GRM7: variants seen among roughly 807,000 people sequenced by gnomAD.
The protein encoded by GRM7 is glutamate metabotropic receptor 7.
In GRM7, 35 loss-of-function variants were observed where a neutral mutation model predicts 84.5. That is an observed-to-expected ratio of 0.41 (90% CI 0.32 to 0.55). The LOEUF is 0.55. Among genes scored for constraint, GRM7 ranks in the 20% least tolerant of loss-of-function variants. The pLI, the probability that GRM7 is intolerant of heterozygous loss-of-function variation, is 0.19. For synonymous variants in GRM7, 487 were observed against 455.1 expected, an observed-to-expected ratio of 1.07 and a Z score of -0.89; for missense variants, 1,003 against 1,194.6, an observed-to-expected ratio of 0.84 and a Z score of 2.36.
intron 2 of GRM7, among the ~76,000 whole-genome samples, chr3:7,169,434 C>CTCACATAATTTTATGAGTCTCA (rs1694911794): frequency 3.3e-5 from 5 of 152,090 alleles, no homozygotes; most frequent in Admixed American, 3.3e-4. Flanking sequence ...TTCAGAGGTG[C>CTCACATAATTTTATGAGTCTCA]CATCATGGGA....
chr3:7,194,147 A>G (rs752981451), intron 2 of GRM7, among the ~76,000 whole-genome samples: 1 of 152,076 alleles, frequency 6.6e-6, no homozygotes, highest in Non-Finnish European at 1.5e-5. Context: ...TCTGATGTAA[A>G]TCACCTTTCC....
chr3:7,676,162 C>G (rs1170036135), intron 8 of GRM7, among the ~76,000 whole-genome samples: 1 of 152,102 alleles, frequency 6.6e-6, no homozygotes, highest in Non-Finnish European at 1.5e-5. Context: ...AAATAATAAC[C>G]ATGGGACTAA....
chr3:7,303,726 T>A (rs985372967), intron 3 of GRM7, among the ~76,000 whole-genome samples: 1 of 152,128 alleles, frequency 6.6e-6, no homozygotes, highest in African/African-American at 2.4e-5. Context: ...TATGTTCATA[T>A]ATAAGATTAT....
chr3:7,483,395 C>G (rs986225682), intron 7 of GRM7, among the ~76,000 whole-genome samples: 9 of 152,050 alleles, frequency 5.9e-5, no homozygotes, highest in African/African-American at 2.2e-4. Context: ...GATCTGGGGA[C>G]AGAATGAACT....
Position 6,986,295 on chromosome 3 carries a change from G to A in GRM7, c.519+124388G>A, listed in dbSNP as rs74285817. ...AGACATGTTTACCACCTTTATTATG[G>A]TGATGGTATAACAGGTACATGCATA... On this transcript the variant is annotated intron_variant, in intron 1 of 9. Coordinates refer to ENST00000357716, the MANE Select transcript of GRM7 (RefSeq NM_000844.4). Among the ~76,000 whole-genome samples the A allele has an allele frequency of 2.4e-3, 368 of 152,250 alleles. 4 individuals carry two copies. The South Asian group carries it at 0.035, about 14-fold the overall frequency.
chr3:7,217,835 A>ATG (rs996172500), intron 2 of GRM7, among the ~76,000 whole-genome samples: 1 of 146,944 alleles, frequency 6.8e-6, no homozygotes, highest in Non-Finnish European at 1.5e-5. Flanking sequence ...ATGTGTGTAT[A>ATG]TGTGTGTGTA....
At chr3:7,668,343 C>T (rs1430846984) in intron 8 of GRM7, among the ~76,000 whole-genome samples, 1 of 152,186 alleles carries the variant, frequency 6.6e-6, no homozygotes, top group Admixed American at 6.5e-5. Context: ...TTTAACATCA[C>T]CAATTAAGTC....
chr3:6,957,551 G>T (rs547422566), intron 1 of GRM7, among the ~76,000 whole-genome samples: 6 of 152,210 alleles, frequency 3.9e-5, no homozygotes, highest in Non-Finnish European at 8.8e-5. Context: ...CCTTCGTGTA[G>T]GTTTGTTTTA....
At chr3:7,634,854 T>C (rs1698017258) in intron 8 of GRM7, among the ~76,000 whole-genome samples, 1 of 151,904 alleles carries the variant, frequency 6.6e-6, no homozygotes, top group South Asian at 2.1e-4. Context: ...AAGGCTATGG[T>C]ACTTTGGCCA....
chr3:7,272,389 G>C (rs1575107472), intron 2 of GRM7, among the ~76,000 whole-genome samples: 1 of 152,144 alleles, frequency 6.6e-6, no homozygotes, highest in East Asian at 1.9e-4. Flanking sequence ...TATGTGTCAT[G>C]AGTTAATATA....
In GRM7 at chr3:7,298,715, C is replaced by T. The variant is rs751255884; in HGVS notation, c.768C>T (p.Ile256=). ...TCTGCATTGCCCAGTCCGTGAGAAT[C>T]CCCCAGGAACGCAAAGACAGGACCA... is the stretch of plus-strand genomic sequence containing the variant. ...GGLCIAQSVR[I]PQERKDRTID... is the part of the protein sequence containing the mutation. The change falls in exon 3 of 10, where the codon ATC becomes ATT. Residue 256 remains isoleucine, a synonymous_variant. Transcript: ENST00000357716. The T allele has an allele frequency of 2.0e-5, 32 of 1,612,862 alleles. No individual in the cohort carries two copies. Among genetic ancestry groups the T allele is most frequent in the Non-Finnish European group, 2.6e-5 (31 of 1,179,076 alleles).
At chr3:7,722,290 C>T (rs1360787196) in intron 9 of GRM7, among the ~76,000 whole-genome samples, 3 of 152,084 alleles carry the variant, frequency 2.0e-5, no homozygotes, top group Non-Finnish European at 4.4e-5. Context: ...TGTTCTAGTT[C>T]GTTAAATACA....
chr3:7,404,085 C>A (rs778429912), intron 4 of GRM7, among the ~76,000 whole-genome samples: 2 of 152,194 alleles, frequency 1.3e-5, no homozygotes, highest in African/African-American at 2.4e-5. Context: ...TCCAAGCAAA[C>A]GTAATTTAAA....
intron 7 of GRM7, among the ~76,000 whole-genome samples, chr3:7,501,513 A>T (rs1318523774): frequency 6.6e-6 from 1 of 152,208 alleles, no homozygotes; most frequent in Non-Finnish European, 1.5e-5. Context: ...CACTAGTTTT[A>T]TCAGCTTATA....
rs554000617 is a variant in GRM7, at chr3:6,972,135, T to C, written c.519+110228T>C. Reference sequence around the variant, plus strand: ...AAATATGTAAAAAGGGGATTTGTAGTGTCAGCACAAATTTCTGAGAGATAT... The same window carrying C: ...AAATATGTAAAAAGGGGATTTGTAGCGTCAGCACAAATTTCTGAGAGATAT... On this transcript the variant is annotated intron_variant, in intron 1 of 9. Coordinates refer to ENST00000357716, the MANE Select transcript of GRM7 (RefSeq NM_000844.4). 2.0e-3 allele frequency among the ~76,000 whole-genome samples: 309 copies of C among 152,284 alleles called. 2 individuals carry two copies. Among genetic ancestry groups the C allele is most frequent in the Non-Finnish European group, 2.8e-3 (193 of 68,012 alleles).
intron 4 of GRM7, among the ~76,000 whole-genome samples, chr3:7,401,174 G>A (rs1191873691): frequency 6.6e-6 from 1 of 152,088 alleles, no homozygotes. Context: ...CACTCTAAAT[G>A]TATATGACGA....
intron 7 of GRM7, among the ~76,000 whole-genome samples, chr3:7,550,571 CTCTCTCTGTGTGTGTGTGTG>C (rs1421042171): frequency 1.1e-4 from 10 of 87,168 alleles, no homozygotes; most frequent in East Asian, 3.2e-4. Context: ...CTCTCTCTCT[CTCTCTCTGTGTGTGTGTGTG>C]TGTGTGTGTG....
intron 7 of GRM7, among the ~76,000 whole-genome samples, chr3:7,474,987 A>G (rs527484367): frequency 7.0e-4 from 106 of 152,308 alleles, no homozygotes; most frequent in African/African-American, 2.5e-3. Flanking sequence ...ACATTTAAAC[A>G]CAGCTTTCTG....
chr3:7,247,356 G>C (rs531604851), intron 2 of GRM7, among the ~76,000 whole-genome samples: 1 of 152,140 alleles, frequency 6.6e-6, no homozygotes, highest in East Asian at 1.9e-4. Flanking sequence ...AAGATTGCTT[G>C]AGCTCAGGAG....
Sources: allele counts gnomAD v4.1 joint callset (sites outside exome capture counted in the v4.1 genomes callset), GRCh38; gene constraint gnomAD v4.1.1; transcripts MANE v1.5; gene names NCBI Gene and HGNC (gene_info 2026-07-23, HGNC 2026-07-21).